The following RBFOX1 variants were observed in gnomAD, a reference collection of about 807,000 sequenced individuals.
RBFOX1 encodes the protein RNA binding protein fox-1 homolog 1.
Under a neutral mutation model 57.7 loss-of-function variants are expected in RBFOX1, and 8 were observed. The ratio of observed to expected loss-of-function variants is 0.14; its 90% CI spans 0.08 to 0.25. The LOEUF is 0.25. Among genes scored for constraint, RBFOX1 ranks in the 10% least tolerant of loss-of-function variants. The pLI is 1.00. For missense variants in RBFOX1, 611 were observed against 548.5 expected, an observed-to-expected ratio of 1.11 and a Z score of -1.14; for synonymous variants, 326 against 222.4, an observed-to-expected ratio of 1.47 and a Z score of -4.15.
intron 1 of RBFOX1, among the ~76,000 whole-genome samples, chr16:6,146,451 A>G (rs926218918): frequency 5.3e-5 from 8 of 152,088 alleles, no homozygotes; most frequent in African/African-American, 1.4e-4. Flanking sequence ...TGTCCTGTAC[A>G]TTGTAGGATG....
At chr16:7,302,612 G>C (rs530073454) in intron 4 of RBFOX1, among the ~76,000 whole-genome samples, 2 of 150,826 alleles carry the variant, frequency 1.3e-5, no homozygotes, top group Non-Finnish European at 2.9e-5. Flanking sequence ...TGTTTAGACA[G>C]CTGATCTCTT....
intron 5 of RBFOX1, among the ~76,000 whole-genome samples, chr16:7,578,547 A>G (rs1208721002): frequency 6.6e-6 from 1 of 152,154 alleles, no homozygotes; most frequent in Non-Finnish European, 1.5e-5. Flanking sequence ...TTTGTTTTGT[A>G]TTTCACTTTG....
chr16:6,032,756 A>T (rs963704915), intron 1 of RBFOX1, among the ~76,000 whole-genome samples: 3 of 152,216 alleles, frequency 2.0e-5, no homozygotes, highest in African/African-American at 7.2e-5. Context: ...TCATGAGGCA[A>T]CGTTTTTTAG....
intron 3 of RBFOX1, among the ~76,000 whole-genome samples, chr16:5,853,441 C>T (rs1352897333): frequency 6.6e-6 from 1 of 152,216 alleles, no homozygotes; most frequent in Non-Finnish European, 1.5e-5. Context: ...CTTGAGGAGC[C>T]AGGTCTGGTC....
chr16:6,137,722 T>C (rs1420176228), intron 1 of RBFOX1, among the ~76,000 whole-genome samples: 1 of 148,594 alleles, frequency 6.7e-6, no homozygotes, highest in African/African-American at 2.5e-5. Flanking sequence ...CAAGTAATCC[T>C]GCCACCTCAG....
chr16:6,091,171 G>A (rs1224205534), intron 1 of RBFOX1, among the ~76,000 whole-genome samples: 1 of 152,050 alleles, frequency 6.6e-6, no homozygotes, highest in African/African-American at 2.4e-5. Flanking sequence ...CTAACTGTAG[G>A]TTTGCACCCA....
chr16:7,556,429 A>G (rs781337592), intron 5 of RBFOX1, among the ~76,000 whole-genome samples: 25 of 152,204 alleles, frequency 1.6e-4, no homozygotes, highest in Admixed American at 4.6e-4. Context: ...GATGGTACCC[A>G]AGATAAATGT....
chr16:6,216,870 C>CT (rs529855553), intron 1 of RBFOX1, among the ~76,000 whole-genome samples: 121 of 148,804 alleles, frequency 8.1e-4, no homozygotes, highest in East Asian at 1.8e-3. Context: ...CCCTATTTCA[C>CT]TTTTTTTTTT....
At chr16:6,668,451 A>G (rs1178733981) in intron 3 of RBFOX1, among the ~76,000 whole-genome samples, 1 of 152,228 alleles carries the variant, frequency 6.6e-6, no homozygotes, top group African/African-American at 2.4e-5. Context: ...TCTTAGGGGC[A>G]TGCCTGTTTT....
chr16:5,439,723 G>A (rs1055028930), intron 1 of RBFOX1, among the ~76,000 whole-genome samples: 4 of 152,146 alleles, frequency 2.6e-5, no homozygotes, highest in African/African-American at 9.7e-5. Flanking sequence ...GGGATTACAG[G>A]TTTGAGCCAC....
chr16:6,120,252 T>G (rs1208346034), intron 1 of RBFOX1, among the ~76,000 whole-genome samples: 2 of 152,208 alleles, frequency 1.3e-5, no homozygotes, highest in African/African-American at 4.8e-5. Context: ...GGAGAAGTAT[T>G]TGTTTGAGTA....
chr16:6,807,533 T>C (rs2154263257), intron 3 of RBFOX1, among the ~76,000 whole-genome samples: 1 of 152,078 alleles, frequency 6.6e-6, no homozygotes, highest in East Asian at 1.9e-4. Context: ...AGATGCATAC[T>C]ATGGCGGAGT....
chr16:7,537,812 A>T (rs1297603692), intron 5 of RBFOX1, among the ~76,000 whole-genome samples: 4 of 152,204 alleles, frequency 2.6e-5, no homozygotes, highest in African/African-American at 9.7e-5. Flanking sequence ...TGCAGACTAG[A>T]GCCTTTGAAA....
chr16:5,741,287 G>T (rs74006248), intron 3 of RBFOX1, among the ~76,000 whole-genome samples: 3,482 of 152,230 alleles, frequency 0.023, 135 homozygotes, highest in African/African-American at 0.078. Flanking sequence ...TCATAAGGCC[G>T]CAAGCCCATC....
chr16:7,657,079 A>C (rs2066494621), intron 12 of RBFOX1, among the ~76,000 whole-genome samples: 1 of 152,162 alleles, frequency 6.6e-6, no homozygotes, highest in African/African-American at 2.4e-5. Flanking sequence ...TTCTTCCTGA[A>C]GTATCCAATA....
intron 3 of RBFOX1, among the ~76,000 whole-genome samples, chr16:6,750,423 C>T (rs992829166): frequency 2.6e-5 from 4 of 152,140 alleles, no homozygotes; most frequent in African/African-American, 9.7e-5. Flanking sequence ...CAGGGTGGCT[C>T]AGGAGTAAAT....
intron 3 of RBFOX1, among the ~76,000 whole-genome samples, chr16:5,607,199 G>T (rs567971587): frequency 6.6e-6 from 1 of 152,146 alleles, no homozygotes; most frequent in Non-Finnish European, 1.5e-5. Flanking sequence ...GCGTCTGCTC[G>T]GCAGAAAACC....
At chr16:7,178,258 C>A (rs1014318777) in intron 4 of RBFOX1, among the ~76,000 whole-genome samples, 1 of 152,232 alleles carries the variant, frequency 6.6e-6, no homozygotes, top group African/African-American at 2.4e-5. Context: ...GCACTATCAG[C>A]CTGTCGCTTT....
chr16:5,328,810 G>T (rs187235292), intron 1 of RBFOX1, among the ~76,000 whole-genome samples: 1 of 152,158 alleles, frequency 6.6e-6, no homozygotes, highest in Non-Finnish European at 1.5e-5. Context: ...AATCAGCCAC[G>T]AGAATGTGAA....
Sources: allele counts gnomAD v4.1 joint callset (sites outside exome capture counted in the v4.1 genomes callset), GRCh38; gene constraint gnomAD v4.1.1; transcripts MANE v1.5; gene names NCBI Gene and HGNC (gene_info 2026-07-23, HGNC 2026-07-21).